The following FAM76B variants were observed in gnomAD, a reference collection of about 807,000 sequenced individuals.
The protein encoded by FAM76B is protein FAM76B.
FAM76B carries 16 observed loss-of-function variants against 51.8 expected under a neutral mutation model. The observed-to-expected ratio is 0.31, with a 90% CI of 0.21 to 0.47. FAM76B has a LOEUF of 0.47. Ranked by LOEUF, FAM76B falls within the 20% of genes least tolerant of loss-of-function variation. FAM76B has a pLI of 1.00. For synonymous variants in FAM76B, 166 were observed against 129.5 expected (o/e 1.28, Z -1.91); for missense variants, 342 against 392.6 (o/e 0.87, Z 1.09).
At chr11:95,788,677 G>C in intron 1 of FAM76B, 114 bp from the exon 2 acceptor site, 1 of 1,250,794 alleles carries the variant, frequency 8.0e-7, no homozygotes, top group Non-Finnish European at 1.1e-6. Context: ...ATAAAACCTG[G>C]CCCCAACGTA....
At chr11:95,781,443 T>A (rs1414830187) in intron 5 of FAM76B, among the ~76,000 whole-genome samples, 1 of 152,082 alleles carries the variant, frequency 6.6e-6, no homozygotes, top group African/African-American at 2.4e-5. Context: ...AGTAAAAAAA[T>A]TGAAGACTTT....
intron 7 of FAM76B, 87 bp from the exon 8 acceptor site, chr11:95,779,044 A>T (rs1860136491): frequency 1.9e-6 from 3 of 1,594,278 alleles, no homozygotes; most frequent in African/African-American, 1.3e-5. Context: ...CAATTCCACA[A>T]ACATCCTTAA....
chr11:95,779,028 AT>A, intron 7 of FAM76B, 71 bp from the exon 8 acceptor site: 1 of 1,597,030 alleles, frequency 6.3e-7, no homozygotes. Context: ...AATTGCATAA[AT>A]TAGACAATTC....
At chr11:95,788,882 G>A (rs1339946002) in intron 1 of FAM76B, 2 of 1,367,318 alleles carry the variant, frequency 1.5e-6, no homozygotes, top group Middle Eastern at 3.9e-4. Context: ...CAGCATCCAG[G>A]CTTTAATGGG....
intron 8 of FAM76B, among the ~76,000 whole-genome samples, chr11:95,778,022 A>G (rs1274730187): frequency 6.6e-6 from 1 of 151,474 alleles, no homozygotes; most frequent in Non-Finnish European, 1.5e-5. Context: ...CATCAAAACC[A>G]TCACTTCAGA....
At chr11:95,777,950 T>C (rs1032943765) in intron 8 of FAM76B, among the ~76,000 whole-genome samples, 3 of 151,614 alleles carry the variant, frequency 2.0e-5, no homozygotes, top group African/African-American at 7.2e-5. Flanking sequence ...CAAACAGTAA[T>C]AGCCCCTATG....
At chr11:95,775,754 TAA>T (rs1859975727) in intron 9 of FAM76B, 166 bp downstream of exon 9, 1 of 390,458 alleles carries the variant, frequency 2.6e-6, no homozygotes, top group Non-Finnish European at 4.5e-6. Flanking sequence ...TTTCAAACAA[TAA>T]CTTCTAATGA....
intron 2 of FAM76B, 106 bp from the exon 3 acceptor site, chr11:95,787,784 T>TA: frequency 1.1e-6 from 1 of 923,756 alleles, no homozygotes; most frequent in Non-Finnish European, 1.6e-6. Context: ...AAAACTTTAA[T>TA]AAGGACCACG....
At chr11:95,779,813 T>A (rs1222910087) in intron 6 of FAM76B, 66 bp downstream of exon 6, 5 of 1,561,576 alleles carry the variant, frequency 3.2e-6, no homozygotes, top group South Asian at 2.4e-5. Flanking sequence ...GTAACAAAGT[T>A]GAAGGGATAT....
At chr11:95,788,400 T>C in intron 2 of FAM76B, 99 bp downstream of exon 2, 1 of 1,024,254 alleles carries the variant, frequency 9.8e-7, no homozygotes, top group Non-Finnish European at 1.5e-6. Context: ...TAAACCATTT[T>C]TTAAAAATAC....
chr11:95,779,599 A>T lies in FAM76B; in HGVS notation c.692+8T>A, dbSNP rs779006447. The T allele has an allele frequency of 1.2e-6, 2 of 1,600,340 alleles. No individual in the cohort carries two copies. The highest frequency in any genetic ancestry group is 1.7e-6 in the Non-Finnish European group (2 of 1,174,162). The stretch of plus-strand genomic sequence containing the variant: ...AATTTTCATAACACTAAAAGAATTC[A>T]TTTTTACCTATCTCCATTAGATGGC... On this transcript the variant is annotated splice_region_variant and intron_variant, in intron 7 of 9. Transcript: ENST00000358780.
intron 9 of FAM76B, among the ~76,000 whole-genome samples, chr11:95,775,278 T>C (rs1336007150): frequency 2.6e-5 from 4 of 151,530 alleles, no homozygotes; most frequent in African/African-American, 9.7e-5. Flanking sequence ...ATGTTGGATG[T>C]TCACCATCTC....
At chr11:95,782,944 G>A in intron 5 of FAM76B, 121 bp downstream of exon 5, 1 of 1,243,792 alleles carries the variant, frequency 8.0e-7, no homozygotes, top group South Asian at 1.4e-5. Flanking sequence ...CACTCAAGAT[G>A]CTTACTGTGT....
Position 95,783,179 on chromosome 11 carries a change from C to T in FAM76B, c.449G>A (p.Gly150Glu). The T allele has an allele frequency of 6.2e-7, 1 of 1,613,864 alleles. No individual in the cohort carries two copies. Among genetic ancestry groups the T allele is most frequent in the Non-Finnish European group, 8.5e-7 (1 of 1,179,900 alleles). ...AGAAGATGAATTTGAATGTGAAGAT[C>T]CCAGGCTCTTCCTTTGTTCTTTCGT... ...QKTKEQRKSL[G>E]SSHSNSSSSS... is the part of the protein sequence containing the mutation. Residue 150 changes from glycine (G) to glutamate (E), a missense_variant, in exon 5 of 10, where the codon GGA becomes GAA. Gly to Glu is a moderately conservative substitution (Grantham distance 98). Around this residue, in one of 3 missense-constraint regions of FAM76B, gnomAD observed 230 missense variants for 257.4 expected, o/e 0.89. Transcript: ENST00000358780.
chr11:95,786,520 T>C, intron 3 of FAM76B: 1 of 382,386 alleles, frequency 2.6e-6, no homozygotes, highest in East Asian at 4.4e-5. Context: ...GTGATTTGCA[T>C]AGTCTGTTAG....
At position 95,773,873 on chromosome 11, in the gene FAM76B, T is replaced by C. The variant is rs972482781; in HGVS notation, c.930+2049A>G. ...CAATTTTTTCATGTGATGTTCAGTG[T>C]TTTGTCGTAGGTTTGGCAGTTAAAA... On this transcript the variant is annotated intron_variant, in intron 9 of 9. Transcript: ENST00000358780. Among the ~76,000 whole-genome samples the C allele has an allele frequency of 2.6e-5, 4 of 151,386 alleles. No homozygotes were observed. The East Asian group carries it at 7.7e-4, about 29-fold the overall frequency.
Position 95,783,151 on chromosome 11 carries a change from T to A in FAM76B, c.477A>T (p.Ser159=). The A allele has an allele frequency of 9.3e-6, 15 of 1,613,524 alleles. No homozygotes were observed. Among genetic ancestry groups the A allele is most frequent in the African/African-American group, 1.3e-5 (1 of 75,042 alleles). ...LGSSHSNSSS[S]SLTEKDQHHP... ...GATGCTGGTCTTTCTCAGTAAGAGA[T>A]GAAGAAGATGAATTTGAATGTGAAG... Residue 159 remains serine, a synonymous_variant, in exon 5 of 10, where the codon TCA becomes TCT. Coordinates refer to ENST00000358780, the MANE Select transcript of FAM76B (RefSeq NM_144664.5).
chr11:95,782,349 AGTATTTGGAG>A (rs1442789160), intron 5 of FAM76B, among the ~76,000 whole-genome samples: 2 of 152,100 alleles, frequency 1.3e-5, no homozygotes, highest in African/African-American at 4.8e-5. Context: ...TCAAAAATAC[AGTATTTGGAG>A]GATGTGAAAC....
At chr11:95,789,368 G>A (rs1446056015) in intron 1 of FAM76B, 24 bp downstream of exon 1, 4 of 1,571,406 alleles carry the variant, frequency 2.5e-6, no homozygotes, top group Admixed American at 1.8e-5. Context: ...CACCCATCCC[G>A]CCCGCCTCCC....
Sources: gnomAD v4.1 joint callset for allele counts (sites outside exome capture counted in the v4.1 genomes callset) on GRCh38, gnomAD v4.1.1 for gene constraint, gnomAD v4.1.1 regional missense constraint, MANE v1.5 for transcripts, NCBI Gene and HGNC (gene_info 2026-07-23, HGNC 2026-07-21) for gene names.